The following RASGRF1 variants were observed in gnomAD, a reference collection of about 807,000 sequenced individuals.
RASGRF1 encodes the protein ras-specific guanine nucleotide-releasing factor 1.
RASGRF1 carries 40 observed loss-of-function variants against 138.7 expected under a neutral mutation model. The ratio of observed to expected loss-of-function variants is 0.29; its 90% CI spans 0.22 to 0.38. The LOEUF (loss-of-function observed/expected upper bound fraction) is 0.38. Among genes scored for constraint, RASGRF1 ranks in the 10% least tolerant of loss-of-function variants. The probability of loss-of-function intolerance (pLI) is 1.00; values close to 1 mark genes in which losing one functional copy is unlikely to be tolerated. For missense variants in RASGRF1, 1,108 were observed against 1,650.4 expected, an observed-to-expected ratio of 0.67 and a Z score of 5.69; for synonymous variants, 614 against 663.2, an observed-to-expected ratio of 0.93 and a Z score of 1.14.
chr15:79,047,808 G>C (rs1401971264), intron 4 of RASGRF1, among the ~76,000 whole-genome samples: 1 of 152,132 alleles, frequency 6.6e-6, no homozygotes, highest in Admixed American at 6.6e-5. Context: ...GCAAGCTCAC[G>C]GTCCACACTG....
chr15:78,983,643 C>T (rs1415122285), intron 23 of RASGRF1, among the ~76,000 whole-genome samples: 1 of 152,228 alleles, frequency 6.6e-6, no homozygotes, highest in Non-Finnish European at 1.5e-5. Flanking sequence ...CAGACTGTGG[C>T]AAGGGCCCTG....
chr15:78,966,971 C>A (rs77898659), intron 26 of RASGRF1, among the ~76,000 whole-genome samples: 3,201 of 152,052 alleles, frequency 0.021, 105 homozygotes, highest in African/African-American at 0.073. Flanking sequence ...AATAAAATAT[C>A]TTATTATAGT....
rs768823034 is a variant in RASGRF1, at chr15:79,003,952, T to C, written c.2299A>G (p.Thr767Ala). Residue 767 changes from threonine to alanine, a missense_variant, in exon 15 of 27, where the codon ACC becomes GCC. Physicochemically the swap from Thr to Ala is moderately conservative, Grantham distance 58. Coordinates refer to ENST00000558480, the MANE Select transcript of RASGRF1 (RefSeq NM_001145648.3). ...AALSCNSNGY[T>A]SMYSAMSPFS... ...GGTGACATGGCCGAGTACATGCTGG[T>C]GTAGCCATTGGAGTTGCAGCTGAGG... The C allele has an allele frequency of 2.5e-6, 4 of 1,614,054 alleles. No homozygotes were observed. Among genetic ancestry groups the C allele is most frequent in the East Asian group, 4.5e-5 (2 of 44,880 alleles).
chr15:78,993,315 G>A (rs2056318783), intron 20 of RASGRF1, among the ~76,000 whole-genome samples: 1 of 86,298 alleles, frequency 1.2e-5, no homozygotes, highest in Admixed American at 1.0e-4. Context: ...GTGTGTGTGT[G>A]GTATGTTTGC....
At chr15:79,087,235 C>T (rs970660696) in intron 1 of RASGRF1, among the ~76,000 whole-genome samples, 2 of 152,224 alleles carry the variant, frequency 1.3e-5, no homozygotes, top group East Asian at 1.9e-4. Context: ...GTCTGTCTTC[C>T]TCAGGGGCTC....
In RASGRF1 at chr15:79,015,490, G is replaced by C. The variant is rs1011654286; in HGVS notation, c.1744-81C>G. ...CACCAGGAGCTCTGCCAACTGTAAA[G>C]TTCACATGCCTCAGTCTGATACAGG... On this transcript the variant is annotated intron_variant, in intron 12 of 26. Transcript: ENST00000558480. The C allele has an allele frequency of 5.5e-6, 7 of 1,281,588 alleles. No homozygotes were observed. The East Asian group carries it at 1.4e-4, about 25-fold the overall frequency. The allele number at this position is 1,281,588 out of a possible 1,614,324, so 79.4% of individuals were successfully genotyped here.
At position 79,003,830 on chromosome 15, in the gene RASGRF1, G is replaced by C. The variant is rs1562008; in HGVS notation, c.2421C>G (p.Pro807=). The change falls in exon 15 of 27, where the codon CCC becomes CCG. Residue 807 remains proline (P), a synonymous_variant. Coordinates refer to ENST00000558480, the MANE Select transcript of RASGRF1 (RefSeq NM_001145648.3). ...GCTTGCTGAGCGCTGAAGGGTCTTC[G>C]GGCTTCTCAGGGGTCGTATCGCCCT... The part of the protein sequence containing the change: ...PDEGDTTPEK[P]EDPSALSKQS... 1.9e-6 allele frequency: 3 copies of C among 1,608,804 alleles called. No individual in the cohort carries two copies. The highest frequency in any genetic ancestry group is 3.4e-5 in the Admixed American group (2 of 59,612).
At chr15:79,012,471 C>G in intron 13 of RASGRF1, 2 of 1,514,256 alleles carry the variant, frequency 1.3e-6, no homozygotes, top group Non-Finnish European at 9.2e-7. Context: ...ATGAATTTCC[C>G]GAGGACGGAG....
rs1457729097 is a variant in RASGRF1 at position 78,971,919 on chromosome 15, G to A, written c.3628C>T (p.Arg1210Ter). 4.4e-6 allele frequency: 7 copies of A among 1,580,806 alleles called. No homozygotes were observed. The highest frequency in any genetic ancestry group is 1.3e-5 in the African/African-American group (1 of 74,102). The change falls in exon 26 of 27, where the codon CGA becomes TGA. Residue 1210 changes from arginine (R) to a stop codon, truncating the protein, a stop_gained. Transcript: ENST00000558480. LOFTEE classifies it high-confidence loss of function. ...GTTTGTTGAAACTGGCGAATCTCTCGGATAATATGGGATATCTGTGGGAAG... is the reference window on the plus strand; with the variant it reads ...GTTTGTTGAAACTGGCGAATCTCTCAGATAATATGGGATATCTGTGGGAAG... Reference protein sequence around the residue: ...SKMRMISHIIREIRQFQQTAY... With the variant: ...SKMRMISHII
intron 24 of RASGRF1, among the ~76,000 whole-genome samples, chr15:78,975,517 T>TC (rs1191546908): frequency 2.5e-5 from 2 of 79,010 alleles, no homozygotes; most frequent in African/African-American, 6.4e-5. Context: ...TTCTTTTTCT[T>TC]TTTTTTTTTT....
chr15:78,999,332 T>TG (rs2056466203), intron 17 of RASGRF1, among the ~76,000 whole-genome samples: 1 of 151,822 alleles, frequency 6.6e-6, no homozygotes, highest in Non-Finnish European at 1.5e-5. Flanking sequence ...GATGGAAGTT[T>TG]GGGGGAAGGA....
chr15:79,060,698 A>G (rs2057592127), intron 2 of RASGRF1, among the ~76,000 whole-genome samples: 1 of 152,240 alleles, frequency 6.6e-6, no homozygotes, highest in Admixed American at 6.5e-5. Flanking sequence ...CAGATGCAGA[A>G]CATTCTGTCA....
chr15:78,976,881 C>T (rs8026309), intron 24 of RASGRF1, among the ~76,000 whole-genome samples: 6 of 152,120 alleles, frequency 3.9e-5, no homozygotes, highest in African/African-American at 1.2e-4. Flanking sequence ...AGAGCCCTCA[C>T]GGGCCTGCAG....
chr15:79,023,276 G>A (rs1293469409), intron 10 of RASGRF1, among the ~76,000 whole-genome samples: 1 of 152,140 alleles, frequency 6.6e-6, no homozygotes, highest in East Asian at 1.9e-4. Flanking sequence ...GCTTACAGAG[G>A]CAAGTGCTTC....
intron 1 of RASGRF1, 52 bp downstream of exon 1, chr15:79,090,171 C>T: frequency 6.5e-7 from 1 of 1,527,296 alleles, no homozygotes; most frequent in South Asian, 1.2e-5. Flanking sequence ...GCCCTGAGCC[C>T]CCAGGGCCGC....
intron 4 of RASGRF1, among the ~76,000 whole-genome samples, chr15:79,049,275 A>G (rs2057396905): frequency 6.6e-6 from 1 of 152,090 alleles, no homozygotes; most frequent in African/African-American, 2.4e-5. Context: ...TATCTATAAA[A>G]TGGGCTGAAG....
intron 2 of RASGRF1, among the ~76,000 whole-genome samples, chr15:79,061,658 A>G (rs190627759): frequency 1.3e-5 from 2 of 152,226 alleles, no homozygotes; most frequent in East Asian, 1.9e-4. Flanking sequence ...AATTTCATGT[A>G]ACTGGAACCA....
At chr15:79,057,210 C>T (rs552719720) in intron 3 of RASGRF1, among the ~76,000 whole-genome samples, 21 of 151,058 alleles carry the variant, frequency 1.4e-4, no homozygotes, top group South Asian at 1.0e-3. Context: ...CAGGGCAAGG[C>T]GACAGCCATC....
Position 79,032,444 on chromosome 15 carries a change from C to T in RASGRF1, c.959-128G>A. 1 of 842,250 alleles carries T rather than the reference C, an allele frequency of 1.2e-6. No homozygotes were observed. The allele number at this position is 842,250 out of a possible 1,614,324, so 52.2% of individuals were successfully genotyped here. ...AGGTTCAAGTTCCCCACCCCAGAGA[C>T]ATCTCTGCTCTTGGGGATGACTCCA... is the stretch of plus-strand genomic sequence containing the variant. On this transcript the variant is annotated intron_variant, in intron 6 of 26. Coordinates refer to ENST00000558480, the MANE Select transcript of RASGRF1 (RefSeq NM_001145648.3). This position sits in a 1 kb window ranked among gnomAD's most constrained non-coding sequence, Gnocchi z 4.5.
Sources: gnomAD v4.1 joint callset for allele counts (sites outside exome capture counted in the v4.1 genomes callset) on GRCh38, gnomAD v4.1.1 for gene constraint, Gnocchi (gnomAD v3.1) non-coding constraint, MANE v1.5 for transcripts, NCBI Gene and HGNC (gene_info 2026-07-23, HGNC 2026-07-21) for gene names.